Variants in EPSTI1 observed in about 807,000 individuals in gnomAD.
EPSTI1 encodes the protein epithelial-stromal interaction protein 1.
EPSTI1 carries 66 observed loss-of-function variants against 49.9 expected under a neutral mutation model. The observed-to-expected ratio is 1.32, with a 90% CI of 1.08 to 1.62. The LOEUF (loss-of-function observed/expected upper bound fraction) is 1.62. EPSTI1 is among the 40% of genes most tolerant of loss of function. The probability of loss-of-function intolerance (pLI) is 0.00; values close to 1 mark genes in which losing one functional copy is unlikely to be tolerated. For synonymous variants in EPSTI1, 137 were observed against 130.7 expected, an observed-to-expected ratio of 1.05 and a Z score of -0.33; for missense variants, 394 against 365.5, an observed-to-expected ratio of 1.08 and a Z score of -0.64.
At chr13:42,962,739 C>G (rs1172921830) in intron 5 of EPSTI1, among the ~76,000 whole-genome samples, 1 of 151,776 alleles carries the variant, frequency 6.6e-6, no homozygotes, top group Non-Finnish European at 1.5e-5. Flanking sequence ...GTGATCACAC[C>G]ACTGCACTCC....
At chr13:42,931,669 T>C (rs1307154572) in intron 6 of EPSTI1, among the ~76,000 whole-genome samples, 1 of 152,218 alleles carries the variant, frequency 6.6e-6, no homozygotes, top group Admixed American at 6.5e-5. Flanking sequence ...TAACAGACTT[T>C]TTTCTTTAAG....
intron 6 of EPSTI1, among the ~76,000 whole-genome samples, chr13:42,941,152 C>T (rs2038739009): frequency 6.6e-6 from 1 of 152,224 alleles, no homozygotes; most frequent in East Asian, 1.9e-4. Flanking sequence ...AGTATAAAAT[C>T]ATCCTTCACT....
intron 6 of EPSTI1, among the ~76,000 whole-genome samples, chr13:42,927,137 G>T (rs2038209298): frequency 6.6e-6 from 1 of 151,874 alleles, no homozygotes; most frequent in East Asian, 1.9e-4. Flanking sequence ...TCTCTTTTTA[G>T]CTCTGAAAAA....
At chr13:42,991,582 G>A (rs2040195074) in intron 1 of EPSTI1, among the ~76,000 whole-genome samples, 1 of 152,188 alleles carries the variant, frequency 6.6e-6, no homozygotes, top group Admixed American at 6.5e-5. Flanking sequence ...AACGCGCCTG[G>A]CCCAGCACCA....
intron 4 of EPSTI1, among the ~76,000 whole-genome samples, 185 bp downstream of exon 4, chr13:42,963,881 G>A (rs9533321): frequency 0.59 from 90,354 of 151,952 alleles, 27,431 homozygotes; most frequent in Middle Eastern, 0.82. Flanking sequence ...GGCTTAGGTA[G>A]GAATTGAAGG....
chr13:42,907,715 A>G (rs909524184), intron 8 of EPSTI1, among the ~76,000 whole-genome samples: 2 of 152,274 alleles, frequency 1.3e-5, no homozygotes, highest in African/African-American at 4.8e-5. Context: ...ATTTAGAAAC[A>G]GTATTTTCAA....
chr13:42,985,622 G>A (rs2040064065), intron 1 of EPSTI1, among the ~76,000 whole-genome samples: 1 of 152,180 alleles, frequency 6.6e-6, no homozygotes, highest in Non-Finnish European at 1.5e-5. Context: ...TCTTGGACAC[G>A]AATATGGGGA....
At chr13:42,989,760 A>AT (rs753298716) in intron 1 of EPSTI1, among the ~76,000 whole-genome samples, 89 of 150,776 alleles carry the variant, frequency 5.9e-4, no homozygotes, top group Non-Finnish European at 1.0e-3. Flanking sequence ...TGCCCAGCTA[A>AT]TTTTTTGTAT....
At chr13:42,947,091 C>CG (rs1241059108) in intron 6 of EPSTI1, among the ~76,000 whole-genome samples, 6 of 151,906 alleles carry the variant, frequency 3.9e-5, no homozygotes, top group African/African-American at 1.5e-4. Context: ...TACAGGCACA[C>CG]GGGCATAGAC....
At chr13:42,923,658 G>A (rs1400439860) in intron 7 of EPSTI1, among the ~76,000 whole-genome samples, 1 of 152,222 alleles carries the variant, frequency 6.6e-6, no homozygotes, top group Non-Finnish European at 1.5e-5. Flanking sequence ...GCTGAGGAAG[G>A]TCTGATGATG....
chr13:42,955,879 G>GCGC (rs1555266330), intron 5 of EPSTI1, among the ~76,000 whole-genome samples: 1 of 106,110 alleles, frequency 9.4e-6, no homozygotes, highest in East Asian at 2.7e-4. Flanking sequence ...GAAGTATTTG[G>GCGC]GGGGGGGGGG....
At chr13:42,893,156 A>C (rs1170246767) in intron 10 of EPSTI1, among the ~76,000 whole-genome samples, 1 of 152,218 alleles carries the variant, frequency 6.6e-6, no homozygotes, top group Non-Finnish European at 1.5e-5. Context: ...GCACCTTTTG[A>C]TGTTTTACTC....
chr13:42,887,459 G>GTATT lies in EPSTI1; in HGVS notation c.*1031_*1034dup, dbSNP rs1289333677. On this transcript the variant is annotated 3_prime_UTR_variant, in exon 11 of 11. Transcript: ENST00000313624. The stretch of plus-strand genomic sequence containing the variant: ...ACAGAAGATCTCTTAATGCTGCAAA[G>GTATT]TATTATTAGTTGTCCAGCTGCAAAG... 2 of 152,204 alleles carry GTATT rather than the reference G, an allele frequency of 1.3e-5. No individual in the cohort carries two copies. Among genetic ancestry groups the GTATT allele is most frequent in the African/African-American group, 4.8e-5 (2 of 41,446 alleles). 9.4% of individuals were successfully genotyped at this position (152,204 alleles called of 1,614,324 possible). A position where few individuals can be genotyped will look rare whatever the true frequency, so the allele number is the denominator to read the frequency against.
At chr13:42,909,951 T>G (rs1437641373) in intron 8 of EPSTI1, among the ~76,000 whole-genome samples, 1 of 152,148 alleles carries the variant, frequency 6.6e-6, no homozygotes, top group Non-Finnish European at 1.5e-5. Context: ...GAATGTTAAG[T>G]GCTCTCACCA....
At chr13:42,924,244 A>C (rs1053840457) in intron 7 of EPSTI1, among the ~76,000 whole-genome samples, 1 of 152,238 alleles carries the variant, frequency 6.6e-6, no homozygotes, top group East Asian at 1.9e-4. Flanking sequence ...GTTTGGGGTC[A>C]AAATCGGAGC....
At chr13:42,952,827 C>T (rs2039140992) in intron 6 of EPSTI1, among the ~76,000 whole-genome samples, 1 of 152,230 alleles carries the variant, frequency 6.6e-6, no homozygotes, top group Non-Finnish European at 1.5e-5. Flanking sequence ...CTCTTCCATT[C>T]CTGCCTCTGA....
intron 6 of EPSTI1, among the ~76,000 whole-genome samples, chr13:42,935,488 AG>A (rs1176027599): frequency 6.6e-6 from 1 of 152,244 alleles, no homozygotes; most frequent in African/African-American, 2.4e-5. Context: ...GGAGGTATGA[AG>A]GAGGAGGGAG....
intron 5 of EPSTI1, among the ~76,000 whole-genome samples, chr13:42,955,883 G>GT (rs201360284): frequency 6.9e-5 from 10 of 144,606 alleles, no homozygotes; most frequent in African/African-American, 2.5e-4. Flanking sequence ...TATTTGGGGG[G>GT]GGGGGGAAGT....
chr13:42,932,858 A>C (rs2038423760), intron 6 of EPSTI1, among the ~76,000 whole-genome samples: 1 of 152,212 alleles, frequency 6.6e-6, no homozygotes, highest in Admixed American at 6.5e-5. Flanking sequence ...CGATGCACTG[A>C]GAAGGACATG....
Sources: gnomAD v4.1 joint callset for allele counts (sites outside exome capture counted in the v4.1 genomes callset) on GRCh38, gnomAD v4.1.1 for gene constraint, MANE v1.5 for transcripts, NCBI Gene and HGNC (gene_info 2026-07-23, HGNC 2026-07-21) for gene names.